The following MAST4 variants were observed in gnomAD, a reference collection of about 807,000 sequenced individuals.
MAST4 encodes microtubule-associated serine/threonine-protein kinase 4.
In MAST4, 89 loss-of-function variants were observed where a neutral mutation model predicts 162.7. The observed-to-expected ratio is 0.55, with a 90% confidence interval of 0.46 to 0.65. The LOEUF (loss-of-function observed/expected upper bound fraction) is 0.65. MAST4 is among the 30% of genes least tolerant of loss of function. MAST4 has a pLI of 0.00. For missense variants in MAST4, 3,153 were observed against 3,374.0 expected, an observed-to-expected ratio of 0.93 and a Z score of 1.62; for synonymous variants, 1,479 against 1,361.1, an observed-to-expected ratio of 1.09 and a Z score of -1.91.
intron 4 of MAST4, among the ~76,000 whole-genome samples, chr5:66,939,095 A>C (rs2150096736): frequency 6.6e-6 from 1 of 152,322 alleles, no homozygotes; most frequent in South Asian, 2.1e-4. Flanking sequence ...AAAATACATA[A>C]TTAATGTTAA....
chr5:66,685,200 T>G (rs1580191059), intron 1 of MAST4, among the ~76,000 whole-genome samples: 1 of 151,998 alleles, frequency 6.6e-6, no homozygotes, highest in Non-Finnish European at 1.5e-5. Context: ...GAGGCAGTGG[T>G]TGCAGTGAGC....
At chr5:67,046,683 T>C (rs1303868080) in intron 4 of MAST4, among the ~76,000 whole-genome samples, 2 of 152,238 alleles carry the variant, frequency 1.3e-5, no homozygotes, top group African/African-American at 4.8e-5. Flanking sequence ...GGATTTATCT[T>C]AATGGATTAG....
intron 4 of MAST4, among the ~76,000 whole-genome samples, chr5:67,039,567 G>A (rs911467387): frequency 3.3e-5 from 5 of 152,264 alleles, no homozygotes; most frequent in East Asian, 1.9e-4. Flanking sequence ...GGCTAGGGAC[G>A]AATGAGTTCC....
At position 66,961,812 on chromosome 5, in the gene MAST4, A is replaced by C. The variant is rs182962001; in HGVS notation, c.674+61830A>C. Among the ~76,000 whole-genome samples, 144 of 152,320 alleles carry C rather than the reference A, an allele frequency of 9.5e-4. 1 individual carries two copies. The highest frequency in any genetic ancestry group is 3.4e-3 in the African/African-American group (143 of 41,580). On this transcript the variant is annotated intron_variant, in intron 4 of 28. Coordinates refer to ENST00000403625, the MANE Select transcript of MAST4 (RefSeq NM_001164664.2). ...CAAAATGATGGACATATCAGGGGAC[A>C]TTCCTGAGAGCTTTCCAATGAGCTG... is the stretch of plus-strand genomic sequence containing the variant.
intron 4 of MAST4, among the ~76,000 whole-genome samples, chr5:66,965,986 T>C (rs1165755640): frequency 1.3e-5 from 2 of 152,198 alleles, no homozygotes; most frequent in South Asian, 2.1e-4. Context: ...AGTAGGACAA[T>C]TGCAATAAAC....
At chr5:67,151,595 C>T (rs1022405050) in intron 24 of MAST4, among the ~76,000 whole-genome samples, 2 of 152,292 alleles carry the variant, frequency 1.3e-5, no homozygotes, top group Non-Finnish European at 2.9e-5. Context: ...AGATTCTCTT[C>T]AGGTTTCTCT....
chr5:66,777,405 G>C (rs983757379), intron 2 of MAST4, among the ~76,000 whole-genome samples: 1 of 152,150 alleles, frequency 6.6e-6, no homozygotes, highest in Non-Finnish European at 1.5e-5. Context: ...TCATCACCTC[G>C]TAAGATTGGT....
At chr5:66,802,264 TTCTC>T (rs1211402974) in intron 3 of MAST4, among the ~76,000 whole-genome samples, 1 of 152,168 alleles carries the variant, frequency 6.6e-6, no homozygotes, top group Non-Finnish European at 1.5e-5. Flanking sequence ...TAAAGCATGA[TTCTC>T]TCTGTATTCA....
At chr5:66,850,246 G>T (rs1024049269) in intron 3 of MAST4, among the ~76,000 whole-genome samples, 3 of 152,154 alleles carry the variant, frequency 2.0e-5, no homozygotes, top group Non-Finnish European at 4.4e-5. Flanking sequence ...AGAAACCTTC[G>T]ATTTAATCTA....
At chr5:66,864,172 A>G (rs1444166286) in intron 3 of MAST4, among the ~76,000 whole-genome samples, 1 of 151,204 alleles carries the variant, frequency 6.6e-6, no homozygotes, top group Non-Finnish European at 1.5e-5. Context: ...CATATACAGT[A>G]TTATGTCCAG....
chr5:66,799,653 C>A (rs183038091), intron 3 of MAST4, among the ~76,000 whole-genome samples: 4 of 152,302 alleles, frequency 2.6e-5, no homozygotes, highest in Admixed American at 2.6e-4. Context: ...AACAGATAGA[C>A]CTTGGCTCAC....
intron 1 of MAST4, among the ~76,000 whole-genome samples, chr5:66,725,240 AGT>A (rs1288407625): frequency 1.3e-5 from 2 of 152,102 alleles, no homozygotes; most frequent in South Asian, 2.1e-4. Context: ...TCTAATTGTA[AGT>A]ATTGTTTACA....
At chr5:66,840,824 C>G (rs142447993) in intron 3 of MAST4, among the ~76,000 whole-genome samples, 73 of 152,284 alleles carry the variant, frequency 4.8e-4, no homozygotes, top group African/African-American at 1.6e-3. Flanking sequence ...TCAAGACCAA[C>G]AGACCCACAT....
intron 1 of MAST4, among the ~76,000 whole-genome samples, chr5:66,684,732 A>G (rs1748535213): frequency 6.6e-6 from 1 of 152,188 alleles, no homozygotes; most frequent in Non-Finnish European, 1.5e-5. Context: ...GGAAAGAATA[A>G]TGCTAGTAAT....
intron 2 of MAST4, among the ~76,000 whole-genome samples, chr5:66,772,929 C>T (rs1254127418): frequency 6.6e-6 from 1 of 151,994 alleles, no homozygotes; most frequent in Non-Finnish European, 1.5e-5. Context: ...GTCACTGCAC[C>T]CTCCCTTGAA....
At chr5:66,893,174 GTTTAT>G (rs1762465324) in intron 3 of MAST4, among the ~76,000 whole-genome samples, 1 of 151,978 alleles carries the variant, frequency 6.6e-6, no homozygotes, top group African/African-American at 2.4e-5. Flanking sequence ...GCCTTTTGTG[GTTTAT>G]TTTGTTTTTG....
chr5:66,993,028 A>G (rs1750225528), intron 4 of MAST4, among the ~76,000 whole-genome samples: 1 of 152,208 alleles, frequency 6.6e-6, no homozygotes, highest in African/African-American at 2.4e-5. Context: ...AGAGAAGACA[A>G]ACTACACTTT....
chr5:67,164,876 C>T lies in MAST4; in HGVS notation c.5697C>T (p.Asp1899=), dbSNP rs771423615. 6.2e-7 allele frequency: 1 copy of T among 1,614,008 alleles called. No homozygotes were observed. The highest frequency in any genetic ancestry group is 1.1e-5 in the South Asian group (1 of 91,084). Residue 1899 remains aspartate (D), a synonymous_variant, in exon 29 of 29, where the codon GAC becomes GAT. Coordinates refer to ENST00000403625, the MANE Select transcript of MAST4 (RefSeq NM_001164664.2). The surrounding 1 kb of genome is among the most constrained non-coding windows in gnomAD (Gnocchi z 5.3). The stretch of plus-strand genomic sequence containing the variant: ...TGCCTGACCCAGAGTTCAAGAGGGA[C>T]AGGAAAGGTCCCCATCCTACTGCCA... ...VSLPDPEFKR[D]RKGPHPTARS... is the part of the protein sequence containing the mutation.
rs562020843 is a variant in MAST4 at position 66,715,547 on chromosome 5, C to T, written c.364-44162C>T. ...GGGTGGGGGGAGGGGGGAGGTATAG[C>T]ATTAGGAGATATACCTAATGCTAAA... is the stretch of plus-strand genomic sequence containing the variant. On this transcript the variant is annotated intron_variant, in intron 1 of 28. Coordinates refer to ENST00000403625, the MANE Select transcript of MAST4 (RefSeq NM_001164664.2). 2.4e-4 allele frequency among the ~76,000 whole-genome samples: 36 copies of T among 149,474 alleles called. No homozygotes were observed. In the East Asian group the frequency reaches 6.0e-3, roughly 25 times the overall value.
Sources: allele counts gnomAD v4.1 joint callset (sites outside exome capture counted in the v4.1 genomes callset), GRCh38; gene constraint gnomAD v4.1.1; non-coding constraint Gnocchi (gnomAD v3.1); transcripts MANE v1.5; gene names NCBI Gene and HGNC (gene_info 2026-07-23, HGNC 2026-07-21).